The following MYLK variants were observed in gnomAD, a reference collection of about 807,000 sequenced individuals.
The protein encoded by MYLK is myosin light chain kinase, smooth muscle.
MYLK carries 106 observed loss-of-function variants against 203.4 expected under a neutral mutation model. The ratio of observed to expected loss-of-function variants is 0.52; its 90% CI spans 0.45 to 0.61. The LOEUF is 0.61. Ranked by LOEUF, MYLK falls within the 20% of genes least tolerant of loss-of-function variation. MYLK has a pLI of 0.00. For missense variants in MYLK, 2,072 were observed against 2,442.3 expected, an observed-to-expected ratio of 0.85 and a Z score of 3.20; for synonymous variants, 867 against 959.5, an observed-to-expected ratio of 0.90 and a Z score of 1.78.
rs889276000 is a variant in MYLK at position 123,796,041 on chromosome 3, T to C, written c.-3-2197A>G. On this transcript the variant is annotated intron_variant, in intron 3 of 33. Transcript: ENST00000360304. ...TGCTTGATAAACCCAGCTTTCTCTTTCACTGATAAGATATTAGCTTTGCAA... is the reference window on the plus strand; with the variant it reads ...TGCTTGATAAACCCAGCTTTCTCTTCCACTGATAAGATATTAGCTTTGCAA... Among the ~76,000 whole-genome samples, 6 of 152,316 alleles carry C rather than the reference T, an allele frequency of 3.9e-5. No homozygotes were observed. In the East Asian group the frequency reaches 9.6e-4, roughly 24 times the overall value.
At chr3:123,824,891 G>A (rs1472980929) in intron 3 of MYLK, among the ~76,000 whole-genome samples, 1 of 152,132 alleles carries the variant, frequency 6.6e-6, no homozygotes, top group Non-Finnish European at 1.5e-5. Context: ...GCTCAAGCCT[G>A]GAATCCCAGC....
chr3:123,822,574 G>A (rs1019790130), intron 3 of MYLK, among the ~76,000 whole-genome samples: 1 of 152,176 alleles, frequency 6.6e-6, no homozygotes, highest in Non-Finnish European at 1.5e-5. Context: ...CAATCAGTGG[G>A]CAAAGAGCCC....
chr3:123,716,817 T>C lies in MYLK; in HGVS notation c.1804+5311A>G, dbSNP rs551445044. Among the ~76,000 whole-genome samples the C allele has an allele frequency of 8.5e-5, 13 of 152,304 alleles. No individual in the cohort carries two copies. The South Asian group carries it at 1.0e-3, about 12-fold the overall frequency. Reference sequence around the variant, plus strand: ...GGTGGAGAGTTATAAAGCTCTATAATGGCCCTATTAGTAAAATGAGGCTCA... The same window carrying C: ...GGTGGAGAGTTATAAAGCTCTATAACGGCCCTATTAGTAAAATGAGGCTCA... On this transcript the variant is annotated intron_variant, in intron 13 of 33. Transcript: ENST00000360304.
chr3:123,812,480 T>C (rs536136801), intron 3 of MYLK, among the ~76,000 whole-genome samples: 19 of 152,336 alleles, frequency 1.2e-4, no homozygotes, highest in African/African-American at 4.6e-4. Flanking sequence ...TAGCCTGGCC[T>C]CTAAAGCAGA....
chr3:123,803,790 C>T (rs952621193), intron 3 of MYLK, among the ~76,000 whole-genome samples: 1 of 152,214 alleles, frequency 6.6e-6, no homozygotes, highest in Non-Finnish European at 1.5e-5. Context: ...TGTGAGACAG[C>T]GGCACAGGCT....
At position 123,707,873 on chromosome 3, in the gene MYLK, A is replaced by T; in HGVS notation, c.2271T>A (p.Asp757Glu). 1 of 1,614,240 alleles carries T rather than the reference A, an allele frequency of 6.2e-7. No homozygotes were observed. The highest frequency in any genetic ancestry group is 2.2e-5 in the East Asian group (1 of 44,892). Residue 757 changes from aspartate to glutamate, a missense_variant, in exon 16 of 34, where the codon GAT (aspartate) becomes GAA (glutamate). By Grantham distance (45) the Asp-to-Glu change is conservative. This residue lies in a region of MYLK where 865 missense variants were observed against 1,016.0 expected (regional missense o/e 0.85). Transcript: ENST00000360304. ...DPFPTVHWLR[D>E]GKALCKDTGH... is the part of the protein sequence containing the mutation. Reference sequence around the variant, plus strand: ...CAGTGTCTTTGCAGAGGGCTTTGCCATCTCTGAGCCAGTGCACGGTAGGAA... The same window carrying T: ...CAGTGTCTTTGCAGAGGGCTTTGCCTTCTCTGAGCCAGTGCACGGTAGGAA...
intron 2 of MYLK, among the ~76,000 whole-genome samples, chr3:123,876,080 A>G (rs927650535): frequency 6.6e-5 from 10 of 152,232 alleles, no homozygotes; most frequent in African/African-American, 1.4e-4. Context: ...GGGCACATAC[A>G]AAACTGGCCA....
chr3:123,664,353 C>T, intron 22 of MYLK, 95 bp from the exon 23 acceptor site: 5 of 1,556,656 alleles, frequency 3.2e-6, no homozygotes, highest in Non-Finnish European at 4.4e-6. Context: ...CTGAAGGATG[C>T]AGCTGGACAA....
At chr3:123,819,881 C>T (rs2065867236) in intron 3 of MYLK, among the ~76,000 whole-genome samples, 1 of 148,458 alleles carries the variant, frequency 6.7e-6, no homozygotes, top group Non-Finnish European at 1.5e-5. Context: ...ATCATCTCTC[C>T]TTACATCCCA....
intron 4 of MYLK, among the ~76,000 whole-genome samples, chr3:123,765,487 C>T (rs1311366632): frequency 5.3e-5 from 8 of 150,092 alleles, no homozygotes; most frequent in Non-Finnish European, 7.4e-5. Flanking sequence ...GCCGAGATTG[C>T]GCCATTGCAC....
At chr3:123,666,538 C>T (rs1010014414) in intron 21 of MYLK, among the ~76,000 whole-genome samples, 192 bp from the exon 22 acceptor site, 1 of 152,202 alleles carries the variant, frequency 6.6e-6, no homozygotes, top group Non-Finnish European at 1.5e-5. Context: ...TTCACCTCTT[C>T]TTTCTGATTC....
At chr3:123,684,486 A>G (rs1284173153) in intron 19 of MYLK, among the ~76,000 whole-genome samples, 1 of 152,160 alleles carries the variant, frequency 6.6e-6, no homozygotes, top group African/African-American at 2.4e-5. Context: ...CTTGAAGACC[A>G]GCATTTCTAA....
chr3:123,782,572 C>T (rs1377871787), intron 4 of MYLK, among the ~76,000 whole-genome samples: 1 of 152,184 alleles, frequency 6.6e-6, no homozygotes, highest in Non-Finnish European at 1.5e-5. Flanking sequence ...AACAAATGAA[C>T]CAGACCTCAG....
rs2062315969 is a variant in MYLK, at chr3:123,727,095, A to G, written c.1517-1017T>C. ...GAGGTTGTTCTCTTGAGTTCATTTT[A>G]CAGACAAGGTTACTAATTTCCCATA... On this transcript the variant is annotated intron_variant, in intron 11 of 33. Transcript: ENST00000360304. Among the ~76,000 whole-genome samples, 4 of 152,342 alleles carry G rather than the reference A, an allele frequency of 2.6e-5. No homozygotes were observed. In the South Asian group the frequency reaches 8.3e-4, roughly 32 times the overall value.
chr3:123,665,385 G>A (rs2059701921), intron 22 of MYLK, among the ~76,000 whole-genome samples: 1 of 152,188 alleles, frequency 6.6e-6, no homozygotes, highest in African/African-American at 2.4e-5. Context: ...GTCGCTCAGG[G>A]CAAACATGCT....
chr3:123,660,785 A>G (rs1227984712), intron 23 of MYLK, among the ~76,000 whole-genome samples: 1 of 152,212 alleles, frequency 6.6e-6, no homozygotes, highest in African/African-American at 2.4e-5. Flanking sequence ...TCCGGAGCAG[A>G]CCAAGTGATT....
chr3:123,708,219 A>C (rs2108638141), intron 15 of MYLK, among the ~76,000 whole-genome samples: 1 of 152,334 alleles, frequency 6.6e-6, no homozygotes, highest in East Asian at 1.9e-4. Context: ...ACATGACTGT[A>C]TATCCAATGT....
At chr3:123,784,466 G>A (rs1194457036) in intron 4 of MYLK, among the ~76,000 whole-genome samples, 1 of 142,966 alleles carries the variant, frequency 7.0e-6, no homozygotes, top group Non-Finnish European at 1.5e-5. Context: ...TCCATTTTAG[G>A]TGGAATCTCT....
At chr3:123,854,632 A>G (rs910107404) in intron 2 of MYLK, among the ~76,000 whole-genome samples, 2 of 151,616 alleles carry the variant, frequency 1.3e-5, no homozygotes, top group Non-Finnish European at 2.9e-5. Flanking sequence ...GGGCTGAAAA[A>G]CCTCCTATTG....
Sources: allele counts gnomAD v4.1 joint callset (sites outside exome capture counted in the v4.1 genomes callset), GRCh38; gene constraint gnomAD v4.1.1; regional missense constraint gnomAD v4.1.1; transcripts MANE v1.5; gene names NCBI Gene and HGNC (gene_info 2026-07-23, HGNC 2026-07-21).